ZFP64: variants seen among roughly 807,000 people sequenced by gnomAD.
ZFP64 encodes ZFP64 zinc finger protein.
A neutral mutation model predicts 51.6 loss-of-function variants in ZFP64; 14 were observed. That is an observed-to-expected ratio of 0.27 (90% CI 0.18 to 0.42). ZFP64 has a LOEUF of 0.42. Among genes scored for constraint, ZFP64 ranks in the 10% least tolerant of loss-of-function variants. ZFP64 has a pLI of 1.00. For missense variants in ZFP64, 754 were observed against 906.8 expected (o/e 0.83, Z 2.16); for synonymous variants, 375 against 361.4 (o/e 1.04, Z -0.43).
At position 52,160,764 on chromosome 20, in the gene ZFP64, T is replaced by G. The variant is rs998730355; in HGVS notation, c.512-390A>C. Among the ~76,000 whole-genome samples the G allele has an allele frequency of 2.0e-5, 3 of 152,224 alleles. No homozygotes were observed. The highest frequency in any genetic ancestry group is 1.3e-4 in the Admixed American group (2 of 15,282). ...CCGTAAAATTTAGAATACCTAAGTT[T>G]CAGCAGAGTTCATGGCTCACCAGGG... On this transcript the variant is annotated intron_variant, in intron 4 of 5. Transcript: ENST00000216923. This position sits in a 1 kb window ranked among gnomAD's most constrained non-coding sequence, Gnocchi z 4.2.
At chr20:52,182,973 T>A (rs1983715804) in intron 2 of ZFP64, among the ~76,000 whole-genome samples, 1 of 151,834 alleles carries the variant, frequency 6.6e-6, no homozygotes, top group African/African-American at 2.4e-5. Context: ...GGGAAAAGAG[T>A]GAGACGTGCA....
chr20:52,179,489 G>GACC (rs1983466813), intron 2 of ZFP64, among the ~76,000 whole-genome samples: 1 of 152,216 alleles, frequency 6.6e-6, no homozygotes, highest in African/African-American at 2.4e-5. Flanking sequence ...TGATGTGCCA[G>GACC]ACCTGGTGTG....
chr20:52,137,293 C>G (rs1383101599), intron 5 of ZFP64, among the ~76,000 whole-genome samples: 3 of 152,160 alleles, frequency 2.0e-5, no homozygotes, highest in African/African-American at 7.2e-5. Context: ...GAATGAGCCA[C>G]TGCCTTGCTT....
At chr20:52,087,359 T>G (rs187420455) in intron 8 of ZFP64, among the ~76,000 whole-genome samples, 212 of 152,336 alleles carry the variant, frequency 1.4e-3, no homozygotes, top group African/African-American at 4.2e-3. Context: ...TCACCCAATT[T>G]TTTTCCCGTA....
At chr20:52,137,652 G>C (rs981531418) in intron 5 of ZFP64, among the ~76,000 whole-genome samples, 3 of 152,056 alleles carry the variant, frequency 2.0e-5, no homozygotes, top group African/African-American at 7.2e-5. Flanking sequence ...TGGTCAATTG[G>C]GAATTTGAAT....
intron 2 of ZFP64, among the ~76,000 whole-genome samples, chr20:52,185,011 T>G (rs1211614683): frequency 6.6e-6 from 1 of 152,064 alleles, no homozygotes; most frequent in Non-Finnish European, 1.5e-5. Flanking sequence ...CTTGTACATT[T>G]GTTTATGAAG....
intron 5 of ZFP64, chr20:52,104,886 C>T (rs1181802157): frequency 1.9e-5 from 13 of 672,472 alleles, no homozygotes; most frequent in Non-Finnish European, 3.2e-5. Flanking sequence ...GAGGCAAACT[C>T]GTTGACTAGC....
intron 2 of ZFP64, among the ~76,000 whole-genome samples, chr20:52,185,863 G>A (rs938744629): frequency 1.3e-5 from 2 of 152,092 alleles, no homozygotes; most frequent in Admixed American, 6.5e-5. Context: ...TTACAGGCAT[G>A]AGCCACCGTG....
At chr20:52,110,973 G>A in intron 5 of ZFP64, 3 of 1,500,734 alleles carry the variant, frequency 2.0e-6, no homozygotes, top group Middle Eastern at 1.7e-4. Context: ...AGACGAACCT[G>A]CTTTTGGGAA....
At chr20:52,094,263 T>C (rs1356529079) in intron 7 of ZFP64, among the ~76,000 whole-genome samples, 2 of 152,242 alleles carry the variant, frequency 1.3e-5, no homozygotes, top group African/African-American at 2.4e-5. Context: ...GGGGATTGTG[T>C]GCACGTTCTA....
At chr20:52,169,379 C>G (rs998856678) in intron 2 of ZFP64, among the ~76,000 whole-genome samples, 1 of 152,212 alleles carries the variant, frequency 6.6e-6, no homozygotes, top group African/African-American at 2.4e-5. Flanking sequence ...GGGCTATGGT[C>G]ATACTCCATG....
intron 5 of ZFP64, among the ~76,000 whole-genome samples, chr20:52,127,036 C>A (rs1979479570): frequency 6.6e-6 from 1 of 151,754 alleles, no homozygotes; most frequent in African/African-American, 2.4e-5. Flanking sequence ...ACTGCAACCT[C>A]CACTTCCCAG....
At position 52,164,687 on chromosome 20, in the gene ZFP64, C is replaced by G; in HGVS notation, c.511+8G>C. The G allele has an allele frequency of 6.2e-7, 1 of 1,613,216 alleles. No individual in the cohort carries two copies. The highest frequency in any genetic ancestry group is 8.5e-7 in the Non-Finnish European group (1 of 1,179,668). On this transcript the variant is annotated splice_region_variant and intron_variant, in intron 4 of 5. Coordinates refer to ENST00000216923, the MANE Select transcript of ZFP64 (RefSeq NM_018197.3). ...TGAGGGCATATGCGCTAAAGAAATG[C>G]TACTTACCCGTGTGAATTTTTAAAT...
downstream of ZFP64, among the ~76,000 whole-genome samples, chr20:52,150,688 T>G (rs2122944862): frequency 6.6e-6 from 1 of 152,344 alleles, no homozygotes; most frequent in East Asian, 1.9e-4. Flanking sequence ...GAAATGTATC[T>G]AAGTATTCTC....
At chr20:52,102,220 G>A (rs2079060633) in intron 5 of ZFP64, among the ~76,000 whole-genome samples, 2 of 151,586 alleles carry the variant, frequency 1.3e-5, no homozygotes, top group African/African-American at 4.8e-5. Context: ...ATTACAATTT[G>A]AGAAGCACAG....
chr20:52,143,366 G>A (rs2122920949), intron 5 of ZFP64, among the ~76,000 whole-genome samples: 1 of 142,870 alleles, frequency 7.0e-6, no homozygotes, highest in African/African-American at 2.5e-5. Flanking sequence ...GAAGTTTATG[G>A]AAAGAAGGGC....
At chr20:52,113,217 C>T (rs1261712703) in intron 5 of ZFP64, among the ~76,000 whole-genome samples, 1 of 151,502 alleles carries the variant, frequency 6.6e-6, no homozygotes, top group African/African-American at 2.4e-5. Flanking sequence ...GCCTGTAGTC[C>T]CAGCTACTCG....
At chr20:52,149,981 G>C (rs1980710004), downstream of ZFP64, among the ~76,000 whole-genome samples, 1 of 152,064 alleles carries the variant, frequency 6.6e-6, no homozygotes, top group Non-Finnish European at 1.5e-5. Flanking sequence ...GACCGAGGTG[G>C]GTGGATCACA....
At position 52,189,600 on chromosome 20, in the gene ZFP64, G is replaced by A. The variant is rs183258953; in HGVS notation, c.46+1991C>T. Among the ~76,000 whole-genome samples the A allele has an allele frequency of 7.5e-4, 113 of 151,074 alleles. No individual in the cohort carries two copies. The Middle Eastern group carries it at 0.01, about 14-fold the overall frequency. On this transcript the variant is annotated intron_variant, in intron 1 of 5. Transcript: ENST00000216923. ...AAGCGATTCTCCTGCCTCAGCCTCC[G>A]GAGTATCTGGGATTACAAGCGCCAC...
Sources: allele counts gnomAD v4.1 joint callset (sites outside exome capture counted in the v4.1 genomes callset), GRCh38; gene constraint gnomAD v4.1.1; non-coding constraint Gnocchi (gnomAD v3.1); transcripts MANE v1.5; gene names NCBI Gene and HGNC (gene_info 2026-07-23, HGNC 2026-07-21).